The following BMPR1A variants were observed in gnomAD, a reference collection of about 807,000 sequenced individuals.
BMPR1A encodes bone morphogenetic protein receptor type 1A, also known as bone morphogenetic protein receptor type-1A.
Under a neutral mutation model 66.0 loss-of-function variants are expected in BMPR1A, and 7 were observed. That is an observed-to-expected ratio of 0.11 (90% CI 0.06 to 0.20). The LOEUF (loss-of-function observed/expected upper bound fraction) is 0.20, where lower values mean the gene tolerates loss of function less well. Among genes scored for constraint, BMPR1A ranks in the 10% least tolerant of loss-of-function variants. BMPR1A has a pLI of 1.00. For missense variants in BMPR1A, 408 were observed against 669.1 expected (o/e 0.61, Z 4.31); for synonymous variants, 200 against 229.7 (o/e 0.87, Z 1.17).
At chr10:86,788,405 A>G (rs755436815) in intron 1 of BMPR1A, among the ~76,000 whole-genome samples, 1 of 152,140 alleles carries the variant, frequency 6.6e-6, no homozygotes, top group African/African-American at 2.4e-5. Context: ...ATTGTTCCCA[A>G]ATGATGCCCC....
rs536898943 is a variant in BMPR1A at position 86,907,815 on chromosome 10, G to A, written c.531-4425G>A. On this transcript the variant is annotated intron_variant, in intron 7 of 12. Transcript: ENST00000372037. ...TAACATACCAGAGGTTAGAAAGGAG[G>A]GAGGGAGGTTGGATGAAGATGGATG... 5.9e-4 allele frequency among the ~76,000 whole-genome samples: 90 copies of A among 152,276 alleles called. 1 individual carries two copies. The South Asian group carries it at 9.1e-3, about 15-fold the overall frequency.
intron 8 of BMPR1A, among the ~76,000 whole-genome samples, chr10:86,914,034 A>G (rs1034951469): frequency 2.0e-5 from 3 of 152,196 alleles, no homozygotes; most frequent in African/African-American, 7.2e-5. Flanking sequence ...TCAATTTGGT[A>G]CTGGCATAAG....
chr10:86,787,084 A>G (rs1355391990), intron 1 of BMPR1A, among the ~76,000 whole-genome samples: 1 of 152,214 alleles, frequency 6.6e-6, no homozygotes, highest in East Asian at 1.9e-4. Context: ...TAATGTTTGC[A>G]TTATAGATTT....
intron 5 of BMPR1A, among the ~76,000 whole-genome samples, chr10:86,894,191 T>C (rs965275048): frequency 6.6e-6 from 1 of 152,270 alleles, no homozygotes. Context: ...TTGGCAGTCA[T>C]GCCATATTCT....
intron 1 of BMPR1A, among the ~76,000 whole-genome samples, chr10:86,807,528 A>G (rs1327618935): frequency 4.0e-5 from 6 of 151,590 alleles, no homozygotes; most frequent in African/African-American, 1.5e-4. Context: ...TTACAGATGT[A>G]TGCCACCATG....
chr10:86,845,672 A>T (rs1366541374), intron 2 of BMPR1A, among the ~76,000 whole-genome samples: 1 of 152,128 alleles, frequency 6.6e-6, no homozygotes, highest in African/African-American at 2.4e-5. Context: ...TCTGTCACTG[A>T]CCCTGCAGAT....
intron 1 of BMPR1A, among the ~76,000 whole-genome samples, chr10:86,804,572 G>A (rs1159688303): frequency 1.3e-5 from 2 of 151,932 alleles, no homozygotes; most frequent in Non-Finnish European, 1.5e-5. Flanking sequence ...ACAAATTTAT[G>A]GTCTGAGGTA....
chr10:86,868,779 T>TTTTTTTTTTTTG (rs1554886238), intron 2 of BMPR1A, among the ~76,000 whole-genome samples: 8 of 78,352 alleles, frequency 1.0e-4, no homozygotes, highest in African/African-American at 4.3e-4. Flanking sequence ...TTTTCCTGTG[T>TTTTTTTTTTTTG]TTTTTTTTTT....
intron 2 of BMPR1A, among the ~76,000 whole-genome samples, chr10:86,848,515 G>T (rs1322314739): frequency 6.6e-6 from 1 of 151,874 alleles, no homozygotes; most frequent in Non-Finnish European, 1.5e-5. Context: ...AATTTCATGG[G>T]TCTTTTCAAA....
intron 1 of BMPR1A, among the ~76,000 whole-genome samples, chr10:86,805,500 C>T (rs1165522209): frequency 1.1e-4 from 15 of 137,100 alleles, no homozygotes; most frequent in Admixed American, 8.7e-4. Flanking sequence ...CTCGCTCTGT[C>T]GCCCAGCCTG....
At chr10:86,833,002 C>T (rs551330317) in intron 1 of BMPR1A, among the ~76,000 whole-genome samples, 31 of 152,110 alleles carry the variant, frequency 2.0e-4, no homozygotes, top group African/African-American at 6.0e-4. Context: ...CCCAGTGACT[C>T]GGGAGACTGA....
Position 86,772,615 on chromosome 10 carries a change from G to A in BMPR1A, c.-268+15696G>A, listed in dbSNP as rs143084759. ...AAAATGAAAGTGATTAAGTCCATCTGTGGGGCAGTTTTTGGAGTCAGATTG... is the reference window on the plus strand; with the variant it reads ...AAAATGAAAGTGATTAAGTCCATCTATGGGGCAGTTTTTGGAGTCAGATTG... On this transcript the variant is annotated intron_variant, in intron 1 of 12. Coordinates refer to ENST00000372037, the MANE Select transcript of BMPR1A (RefSeq NM_004329.3). Among the ~76,000 whole-genome samples, 182 of 152,258 alleles carry A rather than the reference G, an allele frequency of 1.2e-3. 1 individual carries two copies. Among genetic ancestry groups the A allele is most frequent in the African/African-American group, 4.2e-3 (176 of 41,554 alleles).
rs1248732930 is a variant in BMPR1A at position 86,793,102 on chromosome 10, C to G, written c.-268+36183C>G. Among the ~76,000 whole-genome samples, 3 of 132,836 alleles carry G rather than the reference C, an allele frequency of 2.3e-5. No individual in the cohort carries two copies. The Admixed American group carries it at 2.3e-4, about 10-fold the overall frequency. 87.1% of individuals were successfully genotyped at this position (132,836 alleles called of 152,430 possible). A position where few individuals can be genotyped will look rare whatever the true frequency, so the allele number is the denominator to read the frequency against. The stretch of plus-strand genomic sequence containing the variant: ...TCATCCTCCTGATCTATACCCCCCC[C>G]CACCCCCCGCCACCCCACACACACA... On this transcript the variant is annotated intron_variant, in intron 1 of 12. Coordinates refer to ENST00000372037, the MANE Select transcript of BMPR1A (RefSeq NM_004329.3).
intron 1 of BMPR1A, among the ~76,000 whole-genome samples, chr10:86,759,903 T>G (rs1029656853): frequency 1.3e-5 from 2 of 152,122 alleles, no homozygotes; most frequent in African/African-American, 4.8e-5. Flanking sequence ...TGTTTCACAT[T>G]TTTTTCAGGA....
At chr10:86,798,582 A>G (rs185903480) in intron 1 of BMPR1A, among the ~76,000 whole-genome samples, 6 of 152,366 alleles carry the variant, frequency 3.9e-5, no homozygotes, top group African/African-American at 1.4e-4. Context: ...TAGGACATAT[A>G]AAATATGAGT....
intron 1 of BMPR1A, among the ~76,000 whole-genome samples, chr10:86,799,439 G>A (rs980764104): frequency 6.7e-5 from 10 of 150,264 alleles, no homozygotes; most frequent in Admixed American, 3.3e-4. Flanking sequence ...TTTTTCATGA[G>A]TAATTGTACA....
intron 5 of BMPR1A, among the ~76,000 whole-genome samples, chr10:86,893,668 G>A (rs1430749705): frequency 2.0e-5 from 3 of 151,990 alleles, no homozygotes; most frequent in East Asian, 1.9e-4. Context: ...GGTGCCTGTC[G>A]TCCCAGCTAC....
At chr10:86,758,176 T>C (rs957227300) in intron 1 of BMPR1A, among the ~76,000 whole-genome samples, 1 of 152,206 alleles carries the variant, frequency 6.6e-6, no homozygotes, top group African/African-American at 2.4e-5. Context: ...AAATGTAGAA[T>C]GCGTTTTTAG....
chr10:86,770,274 G>T (rs756358155), intron 1 of BMPR1A, among the ~76,000 whole-genome samples: 8 of 152,246 alleles, frequency 5.3e-5, no homozygotes, highest in Non-Finnish European at 1.2e-4. Context: ...CTAAGTGACA[G>T]TGAGGCCCTG....
Sources: gnomAD v4.1 joint callset for allele counts (sites outside exome capture counted in the v4.1 genomes callset) on GRCh38, gnomAD v4.1.1 for gene constraint, MANE v1.5 for transcripts, NCBI Gene and HGNC (gene_info 2026-07-23, HGNC 2026-07-21) for gene names.